PRSS12: variants seen among roughly 807,000 people sequenced by gnomAD.
PRSS12 encodes the protein neurotrypsin.
PRSS12 carries 85 observed loss-of-function variants against 104.4 expected under a neutral mutation model. The ratio of observed to expected loss-of-function variants is 0.81; its 90% CI spans 0.68 to 0.98. PRSS12 has a LOEUF of 0.98. PRSS12 is among the 50% of genes least tolerant of loss of function. The pLI, the probability that PRSS12 is intolerant of heterozygous loss-of-function variation, is 0.00. For synonymous variants in PRSS12, 454 were observed against 425.2 expected (o/e 1.07, Z -0.83); for missense variants, 1,141 against 1,139.2 (o/e 1.00, Z -0.02).
intron 11 of PRSS12, among the ~76,000 whole-genome samples, chr4:118,283,367 A>T (rs1742937907): frequency 6.6e-6 from 1 of 152,238 alleles, no homozygotes; most frequent in Non-Finnish European, 1.5e-5. Context: ...GAAAATAAAG[A>T]CTAATCATTA....
chr4:118,349,415 AAAC>A, intron 1 of PRSS12, among the ~76,000 whole-genome samples: 1 of 152,020 alleles, frequency 6.6e-6, no homozygotes, highest in African/African-American at 2.4e-5. Context: ...AAAAAAAAAA[AAAC>A]AAAGAAAAAG....
intron 1 of PRSS12, among the ~76,000 whole-genome samples, chr4:118,347,712 A>G (rs1428997348): frequency 6.6e-6 from 1 of 152,148 alleles, no homozygotes; most frequent in Non-Finnish European, 1.5e-5. Flanking sequence ...TTTTAGAGAC[A>G]GGGTCTCCCT....
In PRSS12 at chr4:118,313,414, A is replaced by C. The variant is rs1262519673; in HGVS notation, c.1293-17T>G. The stretch of plus-strand genomic sequence containing the variant: ...TTACCATATCTGTGACAATTGAATA[A>C]ACACTGTGTATAGAACTTCTGTCTC... On this transcript the variant is annotated splice_polypyrimidine_tract_variant and intron_variant, in intron 6 of 12. Transcript: ENST00000296498. 6.2e-7 allele frequency: 1 copy of C among 1,612,138 alleles called. No individual in the cohort carries two copies. Among genetic ancestry groups the C allele is most frequent in the Non-Finnish European group, 8.5e-7 (1 of 1,178,454 alleles).
chr4:118,305,118 TATACAC>T (rs1743511393), intron 8 of PRSS12, among the ~76,000 whole-genome samples: 2 of 148,176 alleles, frequency 1.3e-5, no homozygotes, highest in Non-Finnish European at 3.0e-5. Context: ...TATATATATA[TATACAC>T]ACACACACAC....
At chr4:118,296,114 C>T (rs760331761) in intron 9 of PRSS12, among the ~76,000 whole-genome samples, 2 of 152,164 alleles carry the variant, frequency 1.3e-5, no homozygotes, top group African/African-American at 4.8e-5. Context: ...TGACTCTGTC[C>T]AGTACTTTAT....
chr4:118,288,812 G>C (rs1185056950), intron 11 of PRSS12, among the ~76,000 whole-genome samples: 1 of 152,208 alleles, frequency 6.6e-6, no homozygotes, highest in Non-Finnish European at 1.5e-5. Flanking sequence ...TCACAAGCCA[G>C]TTACAAAAGA....
At chr4:118,313,108 CA>C in intron 7 of PRSS12, 92 bp downstream of exon 7, 1 of 1,488,628 alleles carries the variant, frequency 6.7e-7, no homozygotes, top group East Asian at 2.4e-5. Flanking sequence ...CAAAAAAAGC[CA>C]AAGATGAGAA....
intron 11 of PRSS12, among the ~76,000 whole-genome samples, chr4:118,293,574 A>G (rs961156852): frequency 6.6e-6 from 1 of 152,216 alleles, no homozygotes; most frequent in Admixed American, 6.5e-5. Context: ...CCAAAAATTT[A>G]AAAAATCAAT....
chr4:118,345,036 C>A (rs1352964083), intron 1 of PRSS12, among the ~76,000 whole-genome samples: 1 of 152,152 alleles, frequency 6.6e-6, no homozygotes, highest in Non-Finnish European at 1.5e-5. Flanking sequence ...GCTTATTATT[C>A]TTCTGACACC....
rs767555760 is a variant in PRSS12, at chr4:118,282,925, G to A, written c.2226C>T (p.Phe742=). 1.9e-6 allele frequency: 3 copies of A among 1,614,182 alleles called. No homozygotes were observed. The Admixed American group carries it at 5.0e-5, about 27-fold the overall frequency. The change falls in exon 12 of 13, where the codon TTC becomes TTT. Residue 742 remains phenylalanine (F), a synonymous_variant. Coordinates refer to ENST00000296498, the MANE Select transcript of PRSS12 (RefSeq NM_003619.4). ...AACAGGCTGGCAAAACATGGCTGCT[G>A]AATCTGGCACATTGCTCTTCTGGTC... ...LQGPEEQCAR[F]SSHVLPACLP...
intron 1 of PRSS12, among the ~76,000 whole-genome samples, chr4:118,340,671 T>C (rs886093209): frequency 6.6e-6 from 1 of 152,226 alleles, no homozygotes; most frequent in Non-Finnish European, 1.5e-5. Context: ...TTCTCTGCCT[T>C]CTGAAGGTTC....
In PRSS12 at chr4:118,336,584, T is replaced by G. The variant is rs114083459; in HGVS notation, c.642-933A>C. ...TTCCTTTTTTTTTTAAATGGACTAC[T>G]GAGAGATGATACTATATAAGCAGCT... On this transcript the variant is annotated intron_variant, in intron 2 of 12. Transcript: ENST00000296498. 1.3e-3 allele frequency among the ~76,000 whole-genome samples: 204 copies of G among 152,322 alleles called. 1 individual carries two copies. Among genetic ancestry groups the G allele is most frequent in the African/African-American group, 4.6e-3 (191 of 41,570 alleles).
At chr4:118,315,330 T>C (rs1399794379) in intron 6 of PRSS12, among the ~76,000 whole-genome samples, 1 of 152,188 alleles carries the variant, frequency 6.6e-6, no homozygotes, top group Admixed American at 6.5e-5. Flanking sequence ...TTTTTTATTT[T>C]CATCATTTTC....
rs144756089 is a variant in PRSS12 at position 118,335,555 on chromosome 4, T to A, written c.738A>T (p.Ile246=). 334 of 1,614,064 alleles carry A rather than the reference T, an allele frequency of 2.1e-4. No homozygotes were observed. In the African/African-American group the frequency reaches 3.9e-3, roughly 19 times the overall value. ...NVRCRGDEEN[I]LLCEKDIWQG... ...GCCAGATGTCTTTTTCACAAAGCAG[T>A]ATATTTTCTTCATCTCCTCGGCAAC... Residue 246 remains isoleucine, a synonymous_variant, in exon 3 of 13, where the codon ATA becomes ATT. Transcript: ENST00000296498.
intron 8 of PRSS12, among the ~76,000 whole-genome samples, chr4:118,307,061 G>C (rs1227847315): frequency 7.2e-5 from 11 of 152,156 alleles, no homozygotes; most frequent in African/African-American, 2.4e-4. Context: ...GCAAGAACAA[G>C]AATAATTTTT....
chr4:118,338,426 A>T, intron 1 of PRSS12, 112 bp from the exon 2 acceptor site: 2 of 1,321,566 alleles, frequency 1.5e-6, no homozygotes, highest in Non-Finnish European at 2.1e-6. Context: ...GGATCCAGGC[A>T]GAATGATTTA....
At chr4:118,318,232 G>A (rs1723499522) in intron 5 of PRSS12, 146 bp downstream of exon 5, 8 of 789,198 alleles carry the variant, frequency 1.0e-5, no homozygotes, top group South Asian at 3.8e-5. Flanking sequence ...TTTAATATAC[G>A]GTTTGCATTC....
At chr4:118,350,892 A>G (rs937414550) in intron 1 of PRSS12, among the ~76,000 whole-genome samples, 10 of 152,212 alleles carry the variant, frequency 6.6e-5, no homozygotes, top group African/African-American at 1.4e-4. Flanking sequence ...TTATAAAACT[A>G]AGAATAATAT....
intron 9 of PRSS12, 103 bp from the exon 10 acceptor site, chr4:118,295,959 C>G (rs788665): frequency 0.99 from 1,023,027 of 1,028,408 alleles, 509,018 homozygotes; most frequent in East Asian, 1. Context: ...ATGTCAAAAT[C>G]CCTTTTCTCT....
Sources: allele counts gnomAD v4.1 joint callset (sites outside exome capture counted in the v4.1 genomes callset), GRCh38; gene constraint gnomAD v4.1.1; transcripts MANE v1.5; gene names NCBI Gene and HGNC (gene_info 2026-07-23, HGNC 2026-07-21).